The following MGAT4C variants were observed in gnomAD, a reference collection of about 807,000 sequenced individuals.
The protein encoded by MGAT4C is MGAT4 family member C, also known as alpha-1,3-mannosyl-glycoprotein 4-beta-N-acetylglucosaminyltransferase C.
MGAT4C carries 19 observed loss-of-function variants against 40.1 expected under a neutral mutation model. That is an observed-to-expected ratio of 0.47 (90% CI 0.33 to 0.70). MGAT4C has a LOEUF of 0.70. Ranked by LOEUF, MGAT4C falls within the 30% of genes least tolerant of loss-of-function variation. The probability of loss-of-function intolerance (pLI) is 0.02; values close to 1 mark genes in which losing one functional copy is unlikely to be tolerated. For synonymous variants in MGAT4C, 181 were observed against 187.1 expected, an observed-to-expected ratio of 0.97 and a Z score of 0.27; for missense variants, 491 against 563.2, an observed-to-expected ratio of 0.87 and a Z score of 1.30.
At chr12:86,065,708 A>T (rs900234165) in intron 1 of MGAT4C, among the ~76,000 whole-genome samples, 9 of 152,160 alleles carry the variant, frequency 5.9e-5, no homozygotes, top group Non-Finnish European at 1.2e-4. Flanking sequence ...AGTTCTTGTC[A>T]GGGCAATCAG....
intron 1 of MGAT4C, among the ~76,000 whole-genome samples, chr12:86,830,887 C>A (rs1459500529): frequency 6.6e-6 from 1 of 151,808 alleles, no homozygotes. Flanking sequence ...ACCTCTACCT[C>A]ATGGCCTATG....
chr12:86,353,700 T>A (rs574453782), intron 3 of MGAT4C, among the ~76,000 whole-genome samples: 2 of 152,240 alleles, frequency 1.3e-5, no homozygotes, highest in African/African-American at 4.8e-5. Flanking sequence ...TGCTGATAAT[T>A]AAAATACTCA....
intron 2 of MGAT4C, among the ~76,000 whole-genome samples, chr12:86,005,335 G>C (rs545992948): frequency 6.6e-6 from 1 of 152,202 alleles, no homozygotes; most frequent in African/African-American, 2.4e-5. Context: ...TGGCAATATA[G>C]TTATTTACAT....
chr12:86,768,919 A>G (rs1951570830), intron 1 of MGAT4C, among the ~76,000 whole-genome samples: 1 of 152,094 alleles, frequency 6.6e-6, no homozygotes, highest in African/African-American at 2.4e-5. Context: ...AAAACCCTAG[A>G]AGAAAACCTA....
intron 1 of MGAT4C, among the ~76,000 whole-genome samples, chr12:86,244,248 T>C (rs1291645350): frequency 1.3e-5 from 2 of 152,062 alleles, no homozygotes; most frequent in Admixed American, 6.6e-5. Flanking sequence ...CCAATTAGAT[T>C]AGGAAAGATG....
At chr12:86,681,797 A>G (rs1949987416) in intron 2 of MGAT4C, among the ~76,000 whole-genome samples, 1 of 152,058 alleles carries the variant, frequency 6.6e-6, no homozygotes, top group Non-Finnish European at 1.5e-5. Context: ...ATAAGCTCAA[A>G]CATGAAATAT....
chr12:86,296,881 G>A (rs932245967), intron 4 of MGAT4C, among the ~76,000 whole-genome samples: 8 of 152,240 alleles, frequency 5.3e-5, no homozygotes, highest in Non-Finnish European at 7.3e-5. Context: ...AAGTGCCGCC[G>A]AAGTGGGAGC....
At chr12:86,409,673 C>A (rs774506948) in intron 3 of MGAT4C, among the ~76,000 whole-genome samples, 1 of 151,964 alleles carries the variant, frequency 6.6e-6, no homozygotes, top group Non-Finnish European at 1.5e-5. Flanking sequence ...AGAATTGTGC[C>A]CCCACCCAAA....
rs925800714 is a variant in MGAT4C, at chr12:85,967,550, G to A, written c.*11739C>T. The A allele has an allele frequency of 3.3e-5, 5 of 152,006 alleles. No homozygotes were observed. The highest frequency in any genetic ancestry group is 9.7e-5 in the African/African-American group (4 of 41,412). 9.4% of individuals were successfully genotyped at this position (152,006 alleles called of 1,614,324 possible). ...TCTGAAAATCATATAAGTCCAAGAT[G>A]AAACTGATCTCAAATTATTATTTTG... On this transcript the variant is annotated 3_prime_UTR_variant, in exon 5 of 5. Coordinates refer to ENST00000611864, the MANE Select transcript of MGAT4C (RefSeq NM_001351288.2).
At chr12:86,296,303 C>T (rs954390634) in intron 4 of MGAT4C, among the ~76,000 whole-genome samples, 1 of 152,098 alleles carries the variant, frequency 6.6e-6, no homozygotes, top group Admixed American at 6.5e-5. Flanking sequence ...AAAAACTCTC[C>T]ACGTCCCCAC....
chr12:86,002,515 TGTC>T (rs1760694054), intron 2 of MGAT4C: 1 of 151,982 alleles, frequency 6.6e-6, no homozygotes, highest in Admixed American at 6.6e-5. Context: ...ATTACTGTGT[TGTC>T]TAACTCCTGG....
chr12:86,393,442 G>C (rs1956192376), intron 3 of MGAT4C, among the ~76,000 whole-genome samples: 1 of 152,128 alleles, frequency 6.6e-6, no homozygotes, highest in Non-Finnish European at 1.5e-5. Context: ...TTAGATATAA[G>C]AAAACTGAAG....
intron 1 of MGAT4C, among the ~76,000 whole-genome samples, chr12:86,838,466 G>GC (rs1178906183): frequency 6.6e-6 from 1 of 152,124 alleles, no homozygotes; most frequent in African/African-American, 2.4e-5. Context: ...TGCTGACAAT[G>GC]CAATTCAAAC....
chr12:86,565,363 G>C (rs898334219), intron 2 of MGAT4C, among the ~76,000 whole-genome samples: 1 of 149,826 alleles, frequency 6.7e-6, no homozygotes, highest in Non-Finnish European at 1.5e-5. Flanking sequence ...CCTATGATCA[G>C]TTGACAGAGG....
intron 4 of MGAT4C, among the ~76,000 whole-genome samples, chr12:86,271,889 T>C (rs567020398): frequency 2.0e-5 from 3 of 152,260 alleles, no homozygotes; most frequent in Non-Finnish European, 4.4e-5. Flanking sequence ...TTAAGTGAAA[T>C]GAATCCGGCA....
At chr12:86,051,162 A>G (rs981599391) in intron 1 of MGAT4C, among the ~76,000 whole-genome samples, 5 of 152,014 alleles carry the variant, frequency 3.3e-5, no homozygotes, top group Non-Finnish European at 5.9e-5. Flanking sequence ...TGATCAGGCA[A>G]CCAGGAAAAA....
chr12:86,097,588 G>A (rs1874178544), intron 1 of MGAT4C, among the ~76,000 whole-genome samples: 1 of 151,540 alleles, frequency 6.6e-6, no homozygotes, highest in Admixed American at 6.6e-5. Flanking sequence ...CATAAGACCA[G>A]AGAGTATACA....
At chr12:86,497,523 C>A (rs142102416) in intron 2 of MGAT4C, among the ~76,000 whole-genome samples, 6 of 151,898 alleles carry the variant, frequency 4.0e-5, no homozygotes, top group African/African-American at 1.4e-4. Flanking sequence ...TGGATTTTGA[C>A]CCCCTTTTCC....
In MGAT4C at chr12:86,173,015, G is replaced by T. The variant is rs903469764; in HGVS notation, c.-57+83224C>A. Among the ~76,000 whole-genome samples the T allele has an allele frequency of 3.3e-5, 5 of 152,106 alleles. No homozygotes were observed. In the East Asian group the frequency reaches 9.6e-4, roughly 29 times the overall value. On this transcript the variant is annotated intron_variant, in intron 1 of 4. Coordinates refer to ENST00000611864, the MANE Select transcript of MGAT4C (RefSeq NM_001351288.2). ...GCCATGCAGATACAATTTTGAATAT[G>T]AAACTGTCACAGGGATAAATGTTAG...
Sources: allele counts gnomAD v4.1 joint callset (sites outside exome capture counted in the v4.1 genomes callset), GRCh38; gene constraint gnomAD v4.1.1; transcripts MANE v1.5; gene names NCBI Gene and HGNC (gene_info 2026-07-23, HGNC 2026-07-21).